The following HECW1 variants were observed in gnomAD, a reference collection of about 807,000 sequenced individuals.
The protein encoded by HECW1 is HECT, C2 and WW domain containing E3 ubiquitin protein ligase 1, also known as E3 ubiquitin-protein ligase HECW1.
HECW1 carries 61 observed loss-of-function variants against 182.3 expected under a neutral mutation model. The ratio of observed to expected loss-of-function variants is 0.33; its 90% CI spans 0.27 to 0.41. The LOEUF is 0.41. Ranked by LOEUF, HECW1 falls within the 10% of genes least tolerant of loss-of-function variation. The pLI, the probability that HECW1 is intolerant of heterozygous loss-of-function variation, is 1.00. For missense variants in HECW1, 1,739 were observed against 2,108.9 expected, an observed-to-expected ratio of 0.82 and a Z score of 3.44; for synonymous variants, 859 against 832.6, an observed-to-expected ratio of 1.03 and a Z score of -0.55.
intron 2 of HECW1, among the ~76,000 whole-genome samples, chr7:43,235,159 C>T (rs763454249): frequency 6.6e-6 from 1 of 152,126 alleles, no homozygotes; most frequent in Non-Finnish European, 1.5e-5. Flanking sequence ...TCCAAGGGAG[C>T]CCGGAGCTCT....
chr7:43,394,329 A>G (rs183281064), intron 6 of HECW1, among the ~76,000 whole-genome samples: 132 of 152,302 alleles, frequency 8.7e-4, no homozygotes, highest in African/African-American at 3.2e-3. Flanking sequence ...AACAGACATA[A>G]AGGAGGAGGG....
At chr7:43,367,231 T>C (rs947462419) in intron 6 of HECW1, among the ~76,000 whole-genome samples, 2 of 152,246 alleles carry the variant, frequency 1.3e-5, no homozygotes, top group East Asian at 3.8e-4. Flanking sequence ...TTGGATTTTA[T>C]AATAGCCTTT....
At chr7:43,274,420 A>G (rs1584279922) in intron 3 of HECW1, 1 of 635,262 alleles carries the variant, frequency 1.6e-6, no homozygotes, top group South Asian at 1.7e-5. Flanking sequence ...TGACTCCCGG[A>G]GCTGCACCCA....
intron 17 of HECW1, chr7:43,484,011 G>A (rs539382510): frequency 6.6e-6 from 1 of 152,500 alleles, no homozygotes; most frequent in South Asian, 2.1e-4. Flanking sequence ...CAGCCCATAG[G>A]GAGAAGGCTC....
chr7:43,532,757 C>G (rs2081043553), intron 24 of HECW1, among the ~76,000 whole-genome samples: 1 of 152,332 alleles, frequency 6.6e-6, no homozygotes, highest in African/African-American at 2.4e-5. Flanking sequence ...TCTCCCCCAT[C>G]ATCACTTCCC....
At chr7:43,527,661 G>A (rs1193624300) in intron 24 of HECW1, among the ~76,000 whole-genome samples, 3 of 152,170 alleles carry the variant, frequency 2.0e-5, no homozygotes, top group Admixed American at 6.5e-5. Context: ...GGCATATCTT[G>A]TGGGAGCCAA....
chr7:43,471,718 A>T (rs1039251219), intron 16 of HECW1, among the ~76,000 whole-genome samples: 1 of 152,182 alleles, frequency 6.6e-6, no homozygotes, highest in African/African-American at 2.4e-5. Context: ...GGCAGTCACC[A>T]TCAGAGAGGT....
intron 5 of HECW1, 108 bp downstream of exon 5, chr7:43,320,850 TA>T: frequency 1.3e-6 from 1 of 796,120 alleles, no homozygotes; most frequent in Non-Finnish European, 2.2e-6. Context: ...ATGGGCCCTC[TA>T]AAAGAGAGGT....
chr7:43,190,698 G>A (rs940409710), intron 2 of HECW1, among the ~76,000 whole-genome samples: 1 of 152,206 alleles, frequency 6.6e-6, no homozygotes, highest in East Asian at 1.9e-4. Flanking sequence ...AAATGGGGCA[G>A]TCTTAAGGTT....
intron 2 of HECW1, among the ~76,000 whole-genome samples, chr7:43,233,583 A>G (rs1179914676): frequency 6.6e-6 from 1 of 152,246 alleles, no homozygotes; most frequent in Non-Finnish European, 1.5e-5. Context: ...AAATAGTTTT[A>G]TGAAAGCTTC....
intron 2 of HECW1, among the ~76,000 whole-genome samples, chr7:43,236,999 A>AT (rs1462899549): frequency 6.6e-6 from 1 of 152,102 alleles, no homozygotes; most frequent in African/African-American, 2.4e-5. Flanking sequence ...CCAAAAAAAA[A>AT]CTAACTATAC....
At chr7:43,168,020 C>T (rs984764365) in intron 2 of HECW1, among the ~76,000 whole-genome samples, 1 of 152,192 alleles carries the variant, frequency 6.6e-6, no homozygotes, top group Non-Finnish European at 1.5e-5. Context: ...AAAATTATTC[C>T]TCCCATCTCT....
chr7:43,195,469 T>C (rs948425193), intron 2 of HECW1, among the ~76,000 whole-genome samples: 2 of 152,124 alleles, frequency 1.3e-5, no homozygotes, highest in Admixed American at 1.3e-4. Flanking sequence ...CCTGGTAACT[T>C]GAACGACCAG....
At chr7:43,512,742 T>C (rs2079938699) in intron 24 of HECW1, among the ~76,000 whole-genome samples, 1 of 152,102 alleles carries the variant, frequency 6.6e-6, no homozygotes, top group African/African-American at 2.4e-5. Flanking sequence ...ATGCACTGAG[T>C]AGAGTTTATA....
intron 2 of HECW1, among the ~76,000 whole-genome samples, chr7:43,178,677 G>A (rs1056383549): frequency 5.3e-5 from 8 of 152,184 alleles, no homozygotes; most frequent in Admixed American, 2.6e-4. Context: ...TTAAAGGTGA[G>A]AAAGTGGAGG....
At chr7:43,134,171 G>C (rs974596800) in intron 2 of HECW1, among the ~76,000 whole-genome samples, 1 of 151,852 alleles carries the variant, frequency 6.6e-6, no homozygotes, top group African/African-American at 2.4e-5. Context: ...GAGTGGGCGG[G>C]TCACCTGAGG....
At chr7:43,338,394 C>T (rs1012143343) in intron 5 of HECW1, among the ~76,000 whole-genome samples, 1 of 152,178 alleles carries the variant, frequency 6.6e-6, no homozygotes, top group Non-Finnish European at 1.5e-5. Context: ...AAAGATCTAA[C>T]TTTTGATTTT....
intron 26 of HECW1, among the ~76,000 whole-genome samples, chr7:43,545,493 GT>G (rs1296267807): frequency 1.3e-5 from 2 of 152,168 alleles, no homozygotes; most frequent in East Asian, 3.8e-4. Flanking sequence ...AAATGCAAAG[GT>G]TAGGGCGCTG....
At chr7:43,112,961 ACTGT>A (rs1249509733) in intron 1 of HECW1, 24 bp downstream of exon 1, 3 of 208,246 alleles carry the variant, frequency 1.4e-5, no homozygotes, top group Admixed American at 5.9e-5. Context: ...GCGCGGGGAC[ACTGT>A]CTGCCGCCCC....
Sources: gnomAD v4.1 joint callset for allele counts (sites outside exome capture counted in the v4.1 genomes callset) on GRCh38, gnomAD v4.1.1 for gene constraint, MANE v1.5 for transcripts, NCBI Gene and HGNC (gene_info 2026-07-23, HGNC 2026-07-21) for gene names.